The following ESF1 variants were observed in gnomAD, a reference collection of about 807,000 sequenced individuals.
ESF1 encodes the protein ESF1 homolog.
ESF1 carries 58 observed loss-of-function variants against 92.0 expected under a neutral mutation model. The ratio of observed to expected loss-of-function variants is 0.63; its 90% CI spans 0.51 to 0.78. ESF1 has a LOEUF of 0.78. Ranked by LOEUF, ESF1 falls within the 30% of genes least tolerant of loss-of-function variation. The probability of loss-of-function intolerance (pLI) is 0.00; values close to 1 mark genes in which losing one functional copy is unlikely to be tolerated. For missense variants in ESF1, 922 were observed against 989.1 expected (o/e 0.93, Z 0.91); for synonymous variants, 321 against 313.7 (o/e 1.02, Z -0.24).
intron 7 of ESF1, among the ~76,000 whole-genome samples, chr20:13,767,876 T>C (rs964749139): frequency 6.6e-6 from 1 of 152,176 alleles, no homozygotes; most frequent in African/African-American, 2.4e-5. Context: ...ATCCTTAAAA[T>C]CACTGCCACC....
rs538551030 is a variant in ESF1, at chr20:13,760,212, G to A, written c.1667-359C>T. Among the ~76,000 whole-genome samples the A allele has an allele frequency of 1.1e-4, 16 of 152,172 alleles. No individual in the cohort carries two copies. The East Asian group carries it at 2.1e-3, about 20-fold the overall frequency. Reference sequence around the variant, plus strand: ...AAGTGAGGAGCGTCTCTGCCTGGCCGCCCATCGTCTGGGATGTGAGGAGCC... The same window carrying A: ...AAGTGAGGAGCGTCTCTGCCTGGCCACCCATCGTCTGGGATGTGAGGAGCC... On this transcript the variant is annotated intron_variant, in intron 8 of 13. Coordinates refer to ENST00000617257, the MANE Select transcript of ESF1 (RefSeq NM_001276380.2).
At chr20:13,715,981 C>G (rs1454535881) in intron 13 of ESF1, among the ~76,000 whole-genome samples, 1 of 152,158 alleles carries the variant, frequency 6.6e-6, no homozygotes, top group Non-Finnish European at 1.5e-5. Flanking sequence ...ACAAATCATT[C>G]TTTGCTTTTC....
chr20:13,776,235 A>T lies in ESF1; in HGVS notation c.673T>A (p.Tyr225Asn). The change falls in exon 3 of 14, where the codon TAT (tyrosine) becomes AAT (asparagine). Residue 225 changes from tyrosine (Y) to asparagine (N), a missense_variant. Tyr to Asn is a moderately radical substitution (Grantham distance 143). Coordinates refer to ENST00000617257, the MANE Select transcript of ESF1 (RefSeq NM_001276380.2). The stretch of plus-strand genomic sequence containing the variant: ...ATTTCACCATCTGTTGAGTTTTCAT[A>T]ACCATCACTGTCTCTTGTCATTATG... ...QLIMTRDSDG[Y>N]ENSTDGEMCD... 1 of 1,613,504 alleles carries T rather than the reference A, an allele frequency of 6.2e-7. No homozygotes were observed. Among genetic ancestry groups the T allele is most frequent in the Non-Finnish European group, 8.5e-7 (1 of 1,179,808 alleles).
At chr20:13,726,088 G>C (rs1452262923) in intron 11 of ESF1, among the ~76,000 whole-genome samples, 1 of 152,072 alleles carries the variant, frequency 6.6e-6, no homozygotes, top group Non-Finnish European at 1.5e-5. Context: ...GGCATGCCAG[G>C]TAAACAACCA....
intron 9 of ESF1, among the ~76,000 whole-genome samples, chr20:13,755,965 C>A (rs898986805): frequency 2.0e-5 from 3 of 152,100 alleles, no homozygotes; most frequent in African/African-American, 7.2e-5. Flanking sequence ...GAGAGTCAAG[C>A]CACAGAACCA....
chr20:13,759,611 A>T, intron 9 of ESF1, 81 bp downstream of exon 9: 1 of 1,513,666 alleles, frequency 6.6e-7, no homozygotes, highest in Non-Finnish European at 8.7e-7. Flanking sequence ...TCACCAAAAC[A>T]TTTCCGGCTC....
chr20:13,717,463 AGT>A lies in ESF1; in HGVS notation c.2165_2166del (p.His722LeufsTer30). On this transcript the variant is annotated frameshift_variant, in exon 13 of 14. Coordinates refer to ENST00000617257, the MANE Select transcript of ESF1 (RefSeq NM_001276380.2). LOFTEE classifies it high-confidence loss of function. ...TGCTCCACAATCTTGTTGTAATTGA[AGT>A]GTTTCTTACTGTCCTCGTCCTCATC... is the stretch of plus-strand genomic sequence containing the variant. ...MMDEDEDSKK[H>X]FNYNKIVEHQ... The A allele has an allele frequency of 6.2e-7, 1 of 1,614,056 alleles. No homozygotes were observed. Among genetic ancestry groups the A allele is most frequent in the Non-Finnish European group, 8.5e-7 (1 of 1,180,018 alleles).
At chr20:13,737,718 A>G (rs1302793405) in intron 9 of ESF1, among the ~76,000 whole-genome samples, 1 of 152,058 alleles carries the variant, frequency 6.6e-6, no homozygotes, top group Non-Finnish European at 1.5e-5. Context: ...CAATGGTGCA[A>G]TCTCTGCTCA....
In ESF1 at chr20:13,717,504, G is replaced by A. The variant is rs773715334; in HGVS notation, c.2126C>T (p.Ala709Val). 2.5e-6 allele frequency: 4 copies of A among 1,613,754 alleles called. No homozygotes were observed. The East Asian group carries it at 6.7e-5, about 27-fold the overall frequency. ...CTCGTCCTCATCCATCATAAGCAAA[G>A]CCATTTCAGCCTGTAGAGAGCAAAA... ...IEIERQKAEM[A>V]LLMMDEDEDS... Residue 709 changes from alanine to valine, a missense_variant, in exon 13 of 14, where the codon GCT becomes GTT. Coordinates refer to ENST00000617257, the MANE Select transcript of ESF1 (RefSeq NM_001276380.2).
At chr20:13,776,751 A>C (rs1432663960) in intron 2 of ESF1, among the ~76,000 whole-genome samples, 2 of 152,222 alleles carry the variant, frequency 1.3e-5, no homozygotes, top group East Asian at 1.9e-4. Flanking sequence ...TGGGGTCCCT[A>C]AGTGAGTGAT....
Position 13,728,481 on chromosome 20 carries a change from T to C in ESF1, c.1951-16A>G, listed in dbSNP as rs745813434. On this transcript the variant is annotated splice_polypyrimidine_tract_variant and intron_variant, in intron 10 of 13. Coordinates refer to ENST00000617257, the MANE Select transcript of ESF1 (RefSeq NM_001276380.2). ...CAGCAAGAGCCTTAAAAGTTGAATATAAAAATACAAAATTTCATTATTACA... is the reference window on the plus strand; with the variant it reads ...CAGCAAGAGCCTTAAAAGTTGAATACAAAAATACAAAATTTCATTATTACA... 5 of 1,552,472 alleles carry C rather than the reference T, an allele frequency of 3.2e-6. No individual in the cohort carries two copies. In the East Asian group the frequency reaches 9.0e-5, roughly 28 times the overall value.
intron 9 of ESF1, among the ~76,000 whole-genome samples, chr20:13,751,073 T>C (rs1407012936): frequency 6.6e-6 from 1 of 152,210 alleles, no homozygotes; most frequent in Admixed American, 6.5e-5. Flanking sequence ...ATGTTATCCA[T>C]TTAGCAAAAC....
intron 9 of ESF1, among the ~76,000 whole-genome samples, chr20:13,744,432 T>C (rs1225954427): frequency 6.6e-6 from 1 of 152,226 alleles, no homozygotes; most frequent in East Asian, 1.9e-4. Context: ...ACCAGGGAAA[T>C]GCCTAAGTAT....
intron 11 of ESF1, among the ~76,000 whole-genome samples, chr20:13,723,845 G>T (rs1038739465): frequency 6.6e-6 from 1 of 152,160 alleles, no homozygotes; most frequent in Non-Finnish European, 1.5e-5. Flanking sequence ...TTTTTGAAAA[G>T]CAAGGTCTAT....
intron 1 of ESF1, 39 bp downstream of exon 1, chr20:13,784,841 T>A: frequency 1.7e-6 from 1 of 584,808 alleles, no homozygotes; most frequent in Non-Finnish European, 3.1e-6. Context: ...CTCAAGCCCT[T>A]CATCTCGAGC....
intron 1 of ESF1, among the ~76,000 whole-genome samples, chr20:13,783,961 A>G (rs1980447858): frequency 6.6e-6 from 1 of 152,268 alleles, no homozygotes; most frequent in Non-Finnish European, 1.5e-5. Context: ...CTAACTAAAC[A>G]GACCAAAATC....
At chr20:13,717,320 T>C (rs2049835826) in intron 13 of ESF1, 48 bp downstream of exon 13, 1 of 1,602,776 alleles carries the variant, frequency 6.2e-7, no homozygotes, top group South Asian at 1.1e-5. Context: ...GAGCTGACTT[T>C]AGATTCAATT....
intron 2 of ESF1, among the ~76,000 whole-genome samples, chr20:13,781,378 ATAT>A (rs1013898688): frequency 1.5e-4 from 23 of 152,328 alleles, no homozygotes; most frequent in African/African-American, 5.3e-4. Flanking sequence ...TACATAAAAT[ATAT>A]TATTTAAAAT....
At position 13,766,827 on chromosome 20, in the gene ESF1, T is replaced by C. The variant is rs771700105; in HGVS notation, c.1616A>G (p.Tyr539Cys). 2 of 1,613,764 alleles carry C rather than the reference T, an allele frequency of 1.2e-6. No homozygotes were observed. Among genetic ancestry groups the C allele is most frequent in the South Asian group, 2.2e-5 (2 of 91,080 alleles). Reference sequence around the variant, plus strand: ...TTCATCTTCACTAGAGGAAGCTAAGTAGGCTTGAAAATCCATGTCCAAAAG... The same window carrying C: ...TTCATCTTCACTAGAGGAAGCTAAGCAGGCTTGAAAATCCATGTCCAAAAG... ...EELLDMDFQA[Y>C]LASSSEDEEE... Residue 539 changes from tyrosine (Y) to cysteine (C), a missense_variant, in exon 8 of 14, where the codon TAC (tyrosine) becomes TGC (cysteine). Transcript: ENST00000617257.
Sources: gnomAD v4.1 joint callset for allele counts (sites outside exome capture counted in the v4.1 genomes callset) on GRCh38, gnomAD v4.1.1 for gene constraint, MANE v1.5 for transcripts, NCBI Gene and HGNC (gene_info 2026-07-23, HGNC 2026-07-21) for gene names.